PAPPA2: variants seen among roughly 807,000 people sequenced by gnomAD.
PAPPA2 encodes the protein pappalysin 2.
A neutral mutation model predicts 176.4 loss-of-function variants in PAPPA2; 86 were observed. The ratio of observed to expected loss-of-function variants is 0.49; its 90% CI spans 0.41 to 0.58. The LOEUF is 0.58. Among genes scored for constraint, PAPPA2 ranks in the 20% least tolerant of loss-of-function variants. The pLI is 0.00. For synonymous variants in PAPPA2, 809 were observed against 852.2 expected (o/e 0.95, Z 0.88); for missense variants, 2,073 against 2,256.9 (o/e 0.92, Z 1.65).
intron 12 of PAPPA2, among the ~76,000 whole-genome samples, chr1:176,721,333 G>A (rs1253571121): frequency 1.3e-5 from 2 of 152,160 alleles, no homozygotes; most frequent in South Asian, 2.1e-4. Context: ...CATTTTTAAA[G>A]TAAAATGAAT....
At chr1:176,647,383 G>T (rs750719745) in intron 3 of PAPPA2, among the ~76,000 whole-genome samples, 1 of 151,546 alleles carries the variant, frequency 6.6e-6, no homozygotes, top group Non-Finnish European at 1.5e-5. Context: ...TTTGTTGATT[G>T]TTTCCTTTGG....
intron 21 of PAPPA2, among the ~76,000 whole-genome samples, chr1:176,823,842 T>C (rs992216112): frequency 1.3e-5 from 2 of 151,804 alleles, no homozygotes; most frequent in African/African-American, 4.8e-5. Context: ...AGAATCTCTG[T>C]AAGAGAGAAA....
chr1:176,498,318 G>T (rs1333993835), intron 1 of PAPPA2, among the ~76,000 whole-genome samples: 1 of 152,062 alleles, frequency 6.6e-6, no homozygotes, highest in African/African-American at 2.4e-5. Context: ...CTAACTGCTT[G>T]TTAGCAATTC....
chr1:176,486,439 G>C (rs548042852), intron 1 of PAPPA2, among the ~76,000 whole-genome samples: 43 of 152,266 alleles, frequency 2.8e-4, no homozygotes, highest in African/African-American at 1.0e-3. Context: ...GCTTAGACAG[G>C]TACAGACATC....
chr1:176,484,715 A>T (rs1013739903), intron 1 of PAPPA2, among the ~76,000 whole-genome samples: 1 of 152,054 alleles, frequency 6.6e-6, no homozygotes, highest in Non-Finnish European at 1.5e-5. Context: ...TAAAACTTTC[A>T]TCTCTCTACA....
chr1:176,524,191 A>G (rs985071803), intron 1 of PAPPA2, among the ~76,000 whole-genome samples: 3 of 152,152 alleles, frequency 2.0e-5, no homozygotes, highest in Non-Finnish European at 2.9e-5. Context: ...ACTGTTGTCT[A>G]TAAACACATG....
At chr1:176,548,656 C>A (rs1042815264) in intron 1 of PAPPA2, among the ~76,000 whole-genome samples, 1 of 152,060 alleles carries the variant, frequency 6.6e-6, no homozygotes, top group Non-Finnish European at 1.5e-5. Flanking sequence ...TGAACTTAGT[C>A]GCTTGACTCT....
At chr1:176,753,449 G>C (rs1663274462) in intron 14 of PAPPA2, among the ~76,000 whole-genome samples, 1 of 151,718 alleles carries the variant, frequency 6.6e-6, no homozygotes. Flanking sequence ...TCTTCCACCT[G>C]GATTGGGTTC....
intron 3 of PAPPA2, among the ~76,000 whole-genome samples, chr1:176,651,071 A>G (rs1488523182): frequency 6.6e-6 from 1 of 151,754 alleles, no homozygotes; most frequent in African/African-American, 2.4e-5. Context: ...ATTGCCTTAT[A>G]AAACTTATAA....
chr1:176,757,658 G>A (rs964068226), intron 14 of PAPPA2, among the ~76,000 whole-genome samples: 4 of 152,150 alleles, frequency 2.6e-5, no homozygotes, highest in Non-Finnish European at 4.4e-5. Context: ...TAGGTTGCCT[G>A]TTCACTCTGA....
chr1:176,556,287 T>C lies in PAPPA2; in HGVS notation c.-36T>C. On this transcript the variant is annotated 5_prime_UTR_variant, in exon 2 of 23. Transcript: ENST00000367662. The stretch of plus-strand genomic sequence containing the variant: ...ATCACTCTGGTGTGGTACCCAGAAG[T>C]TGACTTCTGGTTCTGTAGAAAGAGC... 6.3e-7 allele frequency: 1 copy of C among 1,589,780 alleles called. No individual in the cohort carries two copies. Among genetic ancestry groups the C allele is most frequent in the Non-Finnish European group, 8.6e-7 (1 of 1,167,576 alleles).
intron 14 of PAPPA2, among the ~76,000 whole-genome samples, chr1:176,745,616 C>T (rs557011863): frequency 4.9e-4 from 74 of 152,232 alleles, no homozygotes; most frequent in Middle Eastern, 6.8e-3. Context: ...TACTAAAGGG[C>T]AGGGAGAACT....
In PAPPA2 at chr1:176,789,823, T is replaced by C; in HGVS notation, c.4730T>C (p.Ile1577Thr). Reference protein sequence around the residue: ...EGKVRNKLLKIQCLEGGIWEQ... With the variant: ...EGKVRNKLLKTQCLEGGIWEQ... ...TGTTTTATCAGCAAGCTCCTGAAGA[T>C]ACAATGCCTGGAAGGTGGAATCTGG... Residue 1577 changes from isoleucine (I) to threonine (T), a missense_variant, in exon 18 of 23, where the codon ATA (isoleucine) becomes ACA (threonine). Around this residue, in one of 4 missense-constraint regions of PAPPA2, gnomAD observed 846 missense variants for 857.9 expected, o/e 0.99. Coordinates refer to ENST00000367662, the MANE Select transcript of PAPPA2 (RefSeq NM_020318.3). 1 of 1,613,804 alleles carries C rather than the reference T, an allele frequency of 6.2e-7. No individual in the cohort carries two copies. Among genetic ancestry groups the C allele is most frequent in the South Asian group, 1.1e-5 (1 of 91,056 alleles).
chr1:176,594,576 G>T lies in PAPPA2; in HGVS notation c.972G>T (p.Gly324=), dbSNP rs1436668161. The T allele has an allele frequency of 6.2e-7, 1 of 1,614,084 alleles. No homozygotes were observed. Among genetic ancestry groups the T allele is most frequent in the Non-Finnish European group, 8.5e-7 (1 of 1,180,042 alleles). Reference sequence around the variant, plus strand: ...TCAGTGACAAAGGCTGGGCCCTGGGGATCCGCTCAGGGAAGGACAAGGGAA... The same window carrying T: ...TCAGTGACAAAGGCTGGGCCCTGGGTATCCGCTCAGGGAAGGACAAGGGAA... ...HTVSDKGWAL[G]IRSGKDKGKR... is the part of the protein sequence containing the mutation. Residue 324 remains glycine (G), a synonymous_variant, in exon 3 of 23, where the codon GGG becomes GGT. Transcript: ENST00000367662.
At chr1:176,638,536 T>A (rs1333241930) in intron 3 of PAPPA2, among the ~76,000 whole-genome samples, 1 of 151,840 alleles carries the variant, frequency 6.6e-6, no homozygotes. Flanking sequence ...TGGCCCAGTC[T>A]CCCCCATTAT....
chr1:176,750,634 A>G (rs892857406), intron 14 of PAPPA2, among the ~76,000 whole-genome samples: 2 of 152,148 alleles, frequency 1.3e-5, no homozygotes, highest in Non-Finnish European at 2.9e-5. Flanking sequence ...AGTGACAACA[A>G]CAACAACAAC....
chr1:176,571,627 T>C (rs1165492166), intron 2 of PAPPA2, among the ~76,000 whole-genome samples: 1 of 152,210 alleles, frequency 6.6e-6, no homozygotes, highest in Non-Finnish European at 1.5e-5. Flanking sequence ...CAAGGCCTTC[T>C]TTACCCATTC....
At chr1:176,729,172 A>G (rs555134512) in intron 12 of PAPPA2, among the ~76,000 whole-genome samples, 13 of 152,174 alleles carry the variant, frequency 8.5e-5, no homozygotes, top group African/African-American at 3.1e-4. Flanking sequence ...TTTTGTATAC[A>G]GAATAAGACA....
intron 20 of PAPPA2, among the ~76,000 whole-genome samples, chr1:176,794,989 C>T (rs61821283): frequency 3.9e-5 from 6 of 151,936 alleles, no homozygotes; most frequent in Admixed American, 6.6e-5. Context: ...CTGGCAGTTG[C>T]GACAGGCAGG....
Sources: gnomAD v4.1 joint callset for allele counts (sites outside exome capture counted in the v4.1 genomes callset) on GRCh38, gnomAD v4.1.1 for gene constraint, gnomAD v4.1.1 regional missense constraint, MANE v1.5 for transcripts, NCBI Gene and HGNC (gene_info 2026-07-23, HGNC 2026-07-21) for gene names.